RSU1: variants seen among roughly 807,000 people sequenced by gnomAD.
RSU1 encodes rsu-1.
A neutral mutation model predicts 31.1 loss-of-function variants in RSU1; 26 were observed. That is an observed-to-expected ratio of 0.84 (90% confidence interval 0.61 to 1.16). RSU1 has a LOEUF of 1.16. Among genes scored for constraint, RSU1 ranks in the 50% most tolerant of loss-of-function variants. The pLI is 0.00. For missense variants in RSU1, 320 were observed against 339.1 expected (o/e 0.94, Z 0.44); for synonymous variants, 164 against 136.3 (o/e 1.20, Z -1.41).
intron 8 of RSU1, among the ~76,000 whole-genome samples, chr10:16,688,439 T>C (rs1835478292): frequency 6.6e-6 from 1 of 151,738 alleles, no homozygotes; most frequent in Non-Finnish European, 1.5e-5. Flanking sequence ...ACCCTGTCTC[T>C]ACTAAAAAAA....
intron 7 of RSU1, among the ~76,000 whole-genome samples, chr10:16,730,262 G>A (rs149884506): frequency 2.7e-3 from 412 of 152,214 alleles, no homozygotes; most frequent in African/African-American, 9.4e-3. Context: ...CTCCCACCAG[G>A]CCCAACCTCC....
At chr10:16,628,348 AT>A (rs1564290874) in intron 8 of RSU1, among the ~76,000 whole-genome samples, 1 of 152,230 alleles carries the variant, frequency 6.6e-6, no homozygotes, top group Admixed American at 6.5e-5. Context: ...CACATTATTC[AT>A]ACCACGTGCT....
intron 8 of RSU1, among the ~76,000 whole-genome samples, chr10:16,651,733 A>C (rs1013917217): frequency 6.6e-6 from 1 of 152,236 alleles, no homozygotes; most frequent in Non-Finnish European, 1.5e-5. Flanking sequence ...ATAAAAATTG[A>C]ATTATGGCTG....
intron 7 of RSU1, among the ~76,000 whole-genome samples, chr10:16,743,676 A>G (rs1480693059): frequency 6.6e-6 from 1 of 152,228 alleles, no homozygotes; most frequent in African/African-American, 2.4e-5. Context: ...TTAGGCAAGA[A>G]AACCAATTCT....
rs184590500 is a variant in RSU1, at chr10:16,743,910, G to A, written c.598+8629C>T. Among the ~76,000 whole-genome samples the A allele has an allele frequency of 3.0e-4, 46 of 152,052 alleles. 1 individual carries two copies. Among genetic ancestry groups the A allele is most frequent in the Admixed American group, 1.4e-3 (22 of 15,260 alleles). On this transcript the variant is annotated intron_variant, in intron 7 of 8. Transcript: ENST00000345264. ...TTTTGGGAGGACAAGGTGGAAGGACGGCCTCAGCTCAGGAGTTCGAGACCA... is the reference window on the plus strand; with the variant it reads ...TTTTGGGAGGACAAGGTGGAAGGACAGCCTCAGCTCAGGAGTTCGAGACCA...
intron 2 of RSU1, among the ~76,000 whole-genome samples, chr10:16,793,631 GC>G (rs1310177683): frequency 6.6e-6 from 1 of 152,016 alleles, no homozygotes; most frequent in Non-Finnish European, 1.5e-5. Context: ...AATATAGTAA[GC>G]CACCTAAGAT....
At chr10:16,773,645 A>G (rs1202326411) in intron 3 of RSU1, among the ~76,000 whole-genome samples, 1 of 152,166 alleles carries the variant, frequency 6.6e-6, no homozygotes, top group Non-Finnish European at 1.5e-5. Flanking sequence ...TGCCTCCTCC[A>G]CGTAATACAG....
At chr10:16,616,710 G>C (rs1473764303) in intron 8 of RSU1, among the ~76,000 whole-genome samples, 4 of 152,114 alleles carry the variant, frequency 2.6e-5, no homozygotes, top group Non-Finnish European at 5.9e-5. Flanking sequence ...GGCTGGTTCA[G>C]CATACGCAAA....
At position 16,592,277 on chromosome 10, in the gene RSU1, C is replaced by T. The variant is rs1346902306; in HGVS notation, c.*1117G>A. ...CATTTGAAAAGACGGTGCATCTTCA[C>T]ATACCATTTTTTTTGTGTCGGCCTT... On this transcript the variant is annotated 3_prime_UTR_variant, in exon 9 of 9. Coordinates refer to ENST00000345264, the MANE Select transcript of RSU1 (RefSeq NM_012425.4). The T allele has an allele frequency of 1.3e-5, 2 of 152,210 alleles. No individual in the cohort carries two copies. Among genetic ancestry groups the T allele is most frequent in the Non-Finnish European group, 2.9e-5 (2 of 68,050 alleles). The allele number at this position is 152,210 out of a possible 1,614,324, so 9.4% of individuals were successfully genotyped here. A position where few individuals can be genotyped will look rare whatever the true frequency, so the allele number is the denominator to read the frequency against.
intron 8 of RSU1, among the ~76,000 whole-genome samples, chr10:16,636,868 C>A (rs1162112571): frequency 1.3e-5 from 2 of 152,188 alleles, no homozygotes; most frequent in Non-Finnish European, 2.9e-5. Flanking sequence ...CTACCCCTCA[C>A]ATTCTTATCA....
chr10:16,647,741 C>T (rs935088350), intron 8 of RSU1, among the ~76,000 whole-genome samples: 1 of 152,030 alleles, frequency 6.6e-6, no homozygotes, highest in Non-Finnish European at 1.5e-5. Flanking sequence ...CTATAATTGA[C>T]TGTAGGGATG....
chr10:16,648,147 T>A (rs1408236578), intron 8 of RSU1, among the ~76,000 whole-genome samples: 1 of 151,002 alleles, frequency 6.6e-6, no homozygotes, highest in African/African-American at 2.4e-5. Flanking sequence ...TTTTTTTTTT[T>A]AAGAGACTAG....
intron 7 of RSU1, among the ~76,000 whole-genome samples, chr10:16,726,690 A>C (rs915832875): frequency 3.9e-5 from 6 of 152,194 alleles, no homozygotes; most frequent in Admixed American, 6.5e-5. Flanking sequence ...AATATAAATT[A>C]CTTTTATGAG....
intron 8 of RSU1, among the ~76,000 whole-genome samples, chr10:16,662,394 C>T (rs1834905503): frequency 6.6e-6 from 1 of 152,206 alleles, no homozygotes; most frequent in Admixed American, 6.5e-5. Flanking sequence ...TTGAGATACA[C>T]ACTACACACC....
intron 8 of RSU1, among the ~76,000 whole-genome samples, chr10:16,624,859 G>A (rs79446960): frequency 0.025 from 3,766 of 152,108 alleles, 159 homozygotes; most frequent in African/African-American, 0.086. Flanking sequence ...ACTGACTCCC[G>A]TCACAGGTTC....
intron 4 of RSU1, among the ~76,000 whole-genome samples, chr10:16,759,651 G>A (rs368270154): frequency 2.0e-5 from 3 of 152,166 alleles, no homozygotes; most frequent in African/African-American, 7.2e-5. Context: ...GTCCTGCAGT[G>A]AAGTTACCCT....
chr10:16,595,112 T>A (rs1833589010), intron 8 of RSU1, among the ~76,000 whole-genome samples: 1 of 151,528 alleles, frequency 6.6e-6, no homozygotes, highest in African/African-American at 2.4e-5. Context: ...ACATGGGGTC[T>A]CACTAGGTTG....
chr10:16,780,608 A>G (rs1314942839), intron 3 of RSU1, among the ~76,000 whole-genome samples: 2 of 152,238 alleles, frequency 1.3e-5, no homozygotes, highest in African/African-American at 4.8e-5. Flanking sequence ...TTGTTGTAAC[A>G]ATGGTAAGCT....
intron 5 of RSU1, 91 bp from the exon 6 acceptor site, chr10:16,753,091 A>T: frequency 1.0e-6 from 1 of 960,542 alleles, no homozygotes; most frequent in South Asian, 1.4e-5. Flanking sequence ...TTTGATTAAT[A>T]ACCCTGGCTT....
Sources: allele counts gnomAD v4.1 joint callset (sites outside exome capture counted in the v4.1 genomes callset), GRCh38; gene constraint gnomAD v4.1.1; transcripts MANE v1.5; gene names NCBI Gene and HGNC (gene_info 2026-07-23, HGNC 2026-07-21).